Variants in HINFP observed in about 807,000 individuals in gnomAD.
HINFP encodes the protein histone H4 transcription factor.
Under a neutral mutation model 50.1 loss-of-function variants are expected in HINFP, and 20 were observed. That is an observed-to-expected ratio of 0.40 (90% CI 0.28 to 0.58). The LOEUF is 0.58. Among genes scored for constraint, HINFP ranks in the 20% least tolerant of loss-of-function variants. The pLI is 0.45. For synonymous variants in HINFP, 247 were observed against 243.7 expected (o/e 1.01, Z -0.13); for missense variants, 505 against 664.1 (o/e 0.76, Z 2.63).
At chr11:119,133,389 G>C (rs1240111968) in intron 9 of HINFP, 170 bp downstream of exon 9, 4 of 715,222 alleles carry the variant, frequency 5.6e-6, no homozygotes, top group African/African-American at 1.8e-5. Flanking sequence ...GACCAGCCTG[G>C]CCAACATGGT....
chr11:119,125,806 G>A (rs751648071), intron 1 of HINFP: 1 of 152,208 alleles, frequency 6.6e-6, no homozygotes, highest in East Asian at 1.9e-4. Flanking sequence ...GAAGGTATTA[G>A]CAGAGTGGTG....
chr11:119,134,654 G>T lies in HINFP; in HGVS notation c.*156G>T, dbSNP rs952600831. Reference sequence around the variant, plus strand: ...TGGCCTGGGTTTGCATCATTCTGCAGACTCTAAAGACTTCCCTTTTCTGCC... The same window carrying T: ...TGGCCTGGGTTTGCATCATTCTGCATACTCTAAAGACTTCCCTTTTCTGCC... On this transcript the variant is annotated 3_prime_UTR_variant, in exon 10 of 10. Transcript: ENST00000350777. The surrounding 1 kb of genome is among the most constrained non-coding windows in gnomAD (Gnocchi z 4.3). The T allele has an allele frequency of 7.0e-6, 4 of 568,526 alleles. No homozygotes were observed. Among genetic ancestry groups the T allele is most frequent in the Non-Finnish European group, 1.2e-5 (4 of 326,282 alleles). 35.2% of individuals were successfully genotyped at this position (568,526 alleles called of 1,614,324 possible). A position where few individuals can be genotyped will look rare whatever the true frequency, so the allele number is the denominator to read the frequency against.
In HINFP at chr11:119,133,218, C is replaced by T. The variant is rs771880097; in HGVS notation, c.1138C>T (p.Arg380Trp). Residue 380 changes from arginine (R) to tryptophan (W), a missense_variant and splice_region_variant, in exon 9 of 10, where the codon CGG (arginine) becomes TGG (tryptophan). Physicochemically the swap from Arg to Trp is moderately radical, Grantham distance 101. Transcript: ENST00000350777. The stretch of plus-strand genomic sequence containing the variant: ...GTGGCCCTCAGGGCATCCCCGTTTT[C>T]GGTATGTCTCTCAACCCTCCTTCCC... ...FKWPSGHPRF[R>W]YKEHEDGYMR... 6.8e-6 allele frequency: 11 copies of T among 1,613,808 alleles called. No individual in the cohort carries two copies. The highest frequency in any genetic ancestry group is 3.3e-4 in the Middle Eastern group (2 of 6,082).
chr11:119,131,767 G>T lies in HINFP; in HGVS notation c.524-63G>T. ...TGACTGCCGGCTGGAGAGACTCAGG[G>T]GTACCAGATCCTAGGCAAAACTGGG... On this transcript the variant is annotated intron_variant, in intron 4 of 9. Transcript: ENST00000350777. This position sits in a 1 kb window ranked among gnomAD's most constrained non-coding sequence, Gnocchi z 4.2. The T allele has an allele frequency of 6.2e-7, 1 of 1,608,720 alleles. No individual in the cohort carries two copies. Among genetic ancestry groups the T allele is most frequent in the Non-Finnish European group, 8.5e-7 (1 of 1,176,396 alleles).
At position 119,133,153 on chromosome 11, in the gene HINFP, A is replaced by G; in HGVS notation, c.1073A>G (p.Asn358Ser). 6.2e-7 allele frequency: 1 copy of G among 1,614,236 alleles called. No individual in the cohort carries two copies. The highest frequency in any genetic ancestry group is 8.5e-7 in the Non-Finnish European group (1 of 1,180,054). Reference sequence around the variant, plus strand: ...TGTGACAAATGCTTCACACGGGGCAACAACCTCACCGTGCACCTTCGCAAG... The same window carrying G: ...TGTGACAAATGCTTCACACGGGGCAGCAACCTCACCGTGCACCTTCGCAAG... ...HVCDKCFTRG[N>S]NLTVHLRKKH... Residue 358 changes from asparagine to serine, a missense_variant, in exon 9 of 10, where the codon AAC (asparagine) becomes AGC (serine). Asn to Ser is a conservative substitution (Grantham distance 46, BLOSUM62 1). Transcript: ENST00000350777.
rs1424451653 is a variant in HINFP, at chr11:119,134,443, G to A, written c.1499G>A (p.Gly500Asp). Residue 500 changes from glycine to aspartate, a missense_variant, in exon 10 of 10, where the codon GGC becomes GAC. Gly to Asp is a moderately conservative substitution (Grantham distance 94). Coordinates refer to ENST00000350777, the MANE Select transcript of HINFP (RefSeq NM_198971.3). The surrounding 1 kb of genome is among the most constrained non-coding windows in gnomAD (Gnocchi z 4.3). ...PPPAPEPPSG[G>D]IMEKLQGIAE... ...CCAGCCCCTGAGCCACCTTCAGGGG[G>A]CATCATGGAAAAGCTTCAAGGAATA... 1 of 1,613,216 alleles carries A rather than the reference G, an allele frequency of 6.2e-7. No individual in the cohort carries two copies. The highest frequency in any genetic ancestry group is 8.5e-7 in the Non-Finnish European group (1 of 1,179,408).
chr11:119,124,029 A>C (rs1486212077), intron 1 of HINFP: 1 of 152,104 alleles, frequency 6.6e-6, no homozygotes, highest in Non-Finnish European at 1.5e-5. Flanking sequence ...CATGTTGCCC[A>C]GGCTGGTCAC....
intron 2 of HINFP, among the ~76,000 whole-genome samples, chr11:119,127,814 T>C (rs1368956535): frequency 6.6e-6 from 1 of 152,046 alleles, no homozygotes; most frequent in East Asian, 1.9e-4. Flanking sequence ...TAGCTGGGAC[T>C]ATTGGCTTGT....
intron 2 of HINFP, 45 bp from the exon 3 acceptor site, chr11:119,130,680 G>C: frequency 6.4e-7 from 1 of 1,562,520 alleles, no homozygotes; most frequent in African/African-American, 1.4e-5. Context: ...GGTGACCTGA[G>C]CCTTGGAAAG....
intron 5 of HINFP, chr11:119,132,292 C>G (rs1418896335): frequency 3.2e-6 from 2 of 625,810 alleles, no homozygotes; most frequent in Non-Finnish European, 5.6e-6. Flanking sequence ...TGAGATCACA[C>G]AGCTAGTAAG....
chr11:119,127,192 T>C, intron 2 of HINFP, 67 bp downstream of exon 2: 1 of 1,348,070 alleles, frequency 7.4e-7, no homozygotes, highest in Non-Finnish European at 9.9e-7. Flanking sequence ...TTTCTTTTCC[T>C]TAGAGGGAGA....
chr11:119,130,715 CTT>C lies in HINFP; in HGVS notation c.182-8_182-7del. ...GTGTCAGACTCTTCCTTTTAAACCC[CTT>C]TCTACAGAGGAAGAATTCTCCTGCT... On this transcript the variant is annotated splice_region_variant and splice_polypyrimidine_tract_variant and intron_variant, in intron 2 of 9. Transcript: ENST00000350777. The C allele has an allele frequency of 6.2e-7, 1 of 1,613,148 alleles. No homozygotes were observed. Among genetic ancestry groups the C allele is most frequent in the Non-Finnish European group, 8.5e-7 (1 of 1,179,144 alleles).
intron 2 of HINFP, among the ~76,000 whole-genome samples, chr11:119,128,787 C>T (rs958200810): frequency 1.3e-5 from 2 of 151,802 alleles, no homozygotes; most frequent in Non-Finnish European, 2.9e-5. Flanking sequence ...CAACCTCCAC[C>T]TCCCAGGTTC....
intron 2 of HINFP, among the ~76,000 whole-genome samples, chr11:119,128,998 G>A (rs757719611): frequency 2.0e-5 from 3 of 151,890 alleles, no homozygotes; most frequent in African/African-American, 4.8e-5. Flanking sequence ...CCAAAGTCAC[G>A]GTACTAATAA....
chr11:119,133,386 C>G, intron 9 of HINFP, 167 bp downstream of exon 9: 2 of 737,180 alleles, frequency 2.7e-6, no homozygotes, highest in South Asian at 3.4e-5. Context: ...CGAGACCAGC[C>G]TGGCCAACAT....
At chr11:119,133,023 G>A (rs532236792) in intron 8 of HINFP, 21 bp downstream of exon 8, 1 of 1,614,266 alleles carries the variant, frequency 6.2e-7, no homozygotes, top group African/African-American at 1.3e-5. Flanking sequence ...CTGGTGTTGG[G>A]AAGGACTAGT....
Position 119,130,943 on chromosome 11 carries a change from G to A in HINFP, c.400G>A (p.Glu134Lys), listed in dbSNP as rs573150035. ...DIPDHFLCLWEHCENSFDNPE... is the reference protein window; with the variant it reads ...DIPDHFLCLWKHCENSFDNPE... ...CCCTGACCACTTCCTGTGTCTGTGG[G>A]AGCACTGTGAGGTCAGCAGGCAGTG... The change falls in exon 3 of 10, where the codon GAG becomes AAG. Residue 134 changes from glutamate (E) to lysine (K), a missense_variant. Physicochemically the swap from Glu to Lys is moderately conservative, Grantham distance 56 (BLOSUM62 1). Coordinates refer to ENST00000350777, the MANE Select transcript of HINFP (RefSeq NM_198971.3). The A allele has an allele frequency of 1.2e-6, 2 of 1,614,116 alleles. No homozygotes were observed. The highest frequency in any genetic ancestry group is 2.7e-5 in the African/African-American group (2 of 75,054).
At chr11:119,133,970 C>T in intron 9 of HINFP, 114 bp from the exon 10 acceptor site, 1 of 1,433,198 alleles carries the variant, frequency 7.0e-7, no homozygotes, top group African/African-American at 1.4e-5. Context: ...ACTCCTGTCA[C>T]TTGGATTCCA....
In HINFP at chr11:119,135,690, A is replaced by C. The variant is rs1271443653; in HGVS notation, c.*1192A>C. On this transcript the variant is annotated 3_prime_UTR_variant, in exon 10 of 10. Coordinates refer to ENST00000350777, the MANE Select transcript of HINFP (RefSeq NM_198971.3). ...TAGTCTTGGGGACAGGAAGCTGCCC[A>C]AAAAGGATCTCTGGGCCTTTTTTTG... 2.6e-5 allele frequency: 4 copies of C among 152,196 alleles called. No homozygotes were observed. The East Asian group carries it at 7.7e-4, about 29-fold the overall frequency. 9.4% of individuals were successfully genotyped at this position (152,196 alleles called of 1,614,324 possible).
Sources: gnomAD v4.1 joint callset for allele counts (sites outside exome capture counted in the v4.1 genomes callset) on GRCh38, gnomAD v4.1.1 for gene constraint, Gnocchi (gnomAD v3.1) non-coding constraint, MANE v1.5 for transcripts, NCBI Gene and HGNC (gene_info 2026-07-23, HGNC 2026-07-21) for gene names.